Variants in HSPA9 observed in about 807,000 individuals in gnomAD.
The protein encoded by HSPA9 is heat shock protein family A (Hsp70) member 9, also known as stress-70 protein, mitochondrial.
In HSPA9, 28 loss-of-function variants were observed where a neutral mutation model predicts 81.5. The ratio of observed to expected loss-of-function variants is 0.34; its 90% CI spans 0.25 to 0.47. The LOEUF is 0.47. Among genes scored for constraint, HSPA9 ranks in the 20% least tolerant of loss-of-function variants. The pLI is 1.00. For missense variants in HSPA9, 678 were observed against 838.0 expected (o/e 0.81, Z 2.36); for synonymous variants, 293 against 290.4 (o/e 1.01, Z -0.09).
At chr5:138,562,090 C>T (rs1204066445) in intron 9 of HSPA9, among the ~76,000 whole-genome samples, 1 of 151,622 alleles carries the variant, frequency 6.6e-6, no homozygotes, top group Non-Finnish European at 1.5e-5. Context: ...AGGCATGTGC[C>T]ACCATGCCCA....
chr5:138,573,488 G>A (rs1181935406), intron 3 of HSPA9, among the ~76,000 whole-genome samples: 4 of 151,726 alleles, frequency 2.6e-5, no homozygotes, highest in Non-Finnish European at 5.9e-5. Context: ...TGTCTCTACT[G>A]AAAATACAAA....
intron 9 of HSPA9, among the ~76,000 whole-genome samples, chr5:138,565,923 C>T (rs1312301325): frequency 2.0e-5 from 3 of 152,172 alleles, no homozygotes; most frequent in African/African-American, 2.4e-5. Flanking sequence ...CAGTGGCTCA[C>T]GCCCATTATC....
intron 11 of HSPA9, among the ~76,000 whole-genome samples, chr5:138,559,382 C>T (rs1180898669): frequency 6.6e-6 from 1 of 152,154 alleles, no homozygotes; most frequent in Non-Finnish European, 1.5e-5. Flanking sequence ...GGATTACAGG[C>T]ATGAGCCACG....
Position 138,567,072 on chromosome 5 carries a change from C to T in HSPA9, c.808G>A (p.Asp270Asn), listed in dbSNP as rs1750784228. Residue 270 changes from aspartate to asparagine, a missense_variant, in exon 8 of 17, where the codon GAT (aspartate) becomes AAT (asparagine). Physicochemically the swap from Asp to Asn is conservative, Grantham distance 23 (BLOSUM62 1). Coordinates refer to ENST00000297185, the MANE Select transcript of HSPA9 (RefSeq NM_004134.7). ...AAGTCTTCCCCACCTAAGAAGGTAT[C>T]CCCATTTGTGGATTTCACCTCAAAT... ...GVFEVKSTNG[D>N]TFLGGEDFDQ... 3 of 1,613,804 alleles carry T rather than the reference C, an allele frequency of 1.9e-6. No individual in the cohort carries two copies. The highest frequency in any genetic ancestry group is 3.3e-5 in the Admixed American group (2 of 60,000).
At chr5:138,572,450 A>T (rs1389835356) in intron 3 of HSPA9, among the ~76,000 whole-genome samples, 1 of 152,212 alleles carries the variant, frequency 6.6e-6, no homozygotes, top group Non-Finnish European at 1.5e-5. Flanking sequence ...AAATTGAAAC[A>T]AAGTTGGGTG....
At chr5:138,558,523 G>A (rs749752755) in intron 12 of HSPA9, 30 bp downstream of exon 12, 2 of 1,280,576 alleles carry the variant, frequency 1.6e-6, no homozygotes, top group Non-Finnish European at 2.3e-6. Flanking sequence ...AGTGAAGGAG[G>A]CATAGTATTC....
In HSPA9 at chr5:138,567,167, TA is replaced by T. The variant is rs35450865; in HGVS notation, c.717-5del. ...ACCTAAATCATATACAGCAATGCTG[TA>T]AATGATTTGTGAAAAAAAAAAGAAA... On this transcript the variant is annotated splice_region_variant and splice_polypyrimidine_tract_variant and intron_variant, in intron 7 of 16. Transcript: ENST00000297185. 1.3e-6 allele frequency: 2 copies of T among 1,584,182 alleles called. No individual in the cohort carries two copies. Among genetic ancestry groups the T allele is most frequent in the Non-Finnish European group, 1.7e-6 (2 of 1,170,378 alleles).
intron 7 of HSPA9, 28 bp downstream of exon 7, chr5:138,567,427 A>C (rs1431272318): frequency 6.5e-7 from 1 of 1,530,228 alleles, no homozygotes. Flanking sequence ...TCACACATCC[A>C]GGTGAGAAAT....
At chr5:138,558,120 C>A in intron 12 of HSPA9, 134 bp from the exon 13 acceptor site, 1 of 725,786 alleles carries the variant, frequency 1.4e-6, no homozygotes, top group Non-Finnish European at 2.5e-6. Flanking sequence ...GTACAAAACA[C>A]AAAGTTTATA....
At chr5:138,564,910 C>G (rs1171326047) in intron 9 of HSPA9, among the ~76,000 whole-genome samples, 1 of 152,200 alleles carries the variant, frequency 6.6e-6, no homozygotes, top group African/African-American at 2.4e-5. Flanking sequence ...TGAACCCCAG[C>G]AGAATGCTTG....
chr5:138,571,267 G>A (rs958062713), intron 3 of HSPA9, 126 bp from the exon 4 acceptor site: 17 of 907,422 alleles, frequency 1.9e-5, no homozygotes, highest in East Asian at 5.3e-5. Context: ...TGCAACCTCC[G>A]CATCCTGGGT....
intron 9 of HSPA9, 74 bp downstream of exon 9, chr5:138,566,552 G>C (rs2127158224): frequency 3.7e-6 from 4 of 1,092,838 alleles, no homozygotes; most frequent in East Asian, 2.4e-5. Flanking sequence ...AGGCCAATTA[G>C]AAAATACTAT....
At chr5:138,571,255 A>C in intron 3 of HSPA9, 114 bp from the exon 4 acceptor site, 2 of 1,043,450 alleles carry the variant, frequency 1.9e-6, no homozygotes, top group Non-Finnish European at 1.4e-6. Context: ...ATCTTGGCTC[A>C]CTGCAACCTC....
intron 3 of HSPA9, among the ~76,000 whole-genome samples, chr5:138,572,523 G>A (rs1217422773): frequency 6.6e-6 from 1 of 152,160 alleles, no homozygotes; most frequent in Non-Finnish European, 1.5e-5. Context: ...CATTGGAGCA[G>A]GCTATTTCTT....
Position 138,554,138 on chromosome 5 carries a change from T to C in HSPA9, c.*1899A>G, listed in dbSNP as rs535052040. Among the ~76,000 whole-genome samples the C allele has an allele frequency of 1.1e-3, 160 of 152,362 alleles. No individual in the cohort carries two copies. Among genetic ancestry groups the C allele is most frequent in the Non-Finnish European group, 1.9e-3 (132 of 68,036 alleles). On this transcript the variant is annotated 3_prime_UTR_variant, in exon 17 of 17. Coordinates refer to ENST00000297185, the MANE Select transcript of HSPA9 (RefSeq NM_004134.7). ...TCTCCATATACCTTCTTGCTATTTA[T>C]GCTATTAGCTTTACTGATAGGTGAC...
chr5:138,572,092 G>C (rs1750916803), intron 3 of HSPA9, among the ~76,000 whole-genome samples: 1 of 151,084 alleles, frequency 6.6e-6, no homozygotes, highest in African/African-American at 2.4e-5. Flanking sequence ...GAGTAGCTGG[G>C]ACTACAGGGG....
At chr5:138,570,163 C>T (rs994922168) in intron 4 of HSPA9, among the ~76,000 whole-genome samples, 6 of 151,904 alleles carry the variant, frequency 3.9e-5, no homozygotes, top group South Asian at 2.1e-4. Context: ...CCCCACCGAG[C>T]CTCTAGTATG....
intron 13 of HSPA9, 46 bp downstream of exon 13, chr5:138,557,823 A>G: frequency 1.3e-5 from 14 of 1,110,334 alleles, no homozygotes; most frequent in Non-Finnish European, 1.9e-5. Flanking sequence ...TATTCCCAAG[A>G]CCTCCCTCAC....
rs1439699836 is a variant in HSPA9 at position 138,561,695 on chromosome 5, G to A, written c.1067C>T (p.Thr356Ile). The change falls in exon 10 of 17, where the codon ACT (threonine) becomes ATT (isoleucine). Residue 356 changes from threonine (T) to isoleucine (I), a missense_variant. Thr to Ile is a moderately conservative substitution (Grantham distance 89). This residue lies in a region of HSPA9 where 484 missense variants were observed against 647.5 expected (regional missense o/e 0.75). Coordinates refer to ENST00000297185, the MANE Select transcript of HSPA9 (RefSeq NM_004134.7). ...LTRAQFEGIV[T>I]DLIRRTIAPC... ...AGCGATAGTCCTTCTGATTAGATCA[G>A]TGACAATCCCTTCAAATTGAGCACG... 2.5e-6 allele frequency: 4 copies of A among 1,614,074 alleles called. No individual in the cohort carries two copies. Among genetic ancestry groups the A allele is most frequent in the Admixed American group, 1.7e-5 (1 of 60,014 alleles).
Sources: allele counts gnomAD v4.1 joint callset (sites outside exome capture counted in the v4.1 genomes callset), GRCh38; gene constraint gnomAD v4.1.1; regional missense constraint gnomAD v4.1.1; transcripts MANE v1.5; gene names NCBI Gene and HGNC (gene_info 2026-07-23, HGNC 2026-07-21).